The following HK1 variants were observed in gnomAD, a reference collection of about 807,000 sequenced individuals.
The protein encoded by HK1 is hexokinase 1.
A neutral mutation model predicts 91.6 loss-of-function variants in HK1; 28 were observed. The ratio of observed to expected loss-of-function variants is 0.31; its 90% CI spans 0.23 to 0.42. HK1 has a LOEUF of 0.42. Among genes scored for constraint, HK1 ranks in the 10% least tolerant of loss-of-function variants. HK1 has a pLI of 1.00. For synonymous variants in HK1, 430 were observed against 468.1 expected (o/e 0.92, Z 1.05); for missense variants, 770 against 1,219.8 (o/e 0.63, Z 5.49).
At chr10:69,327,003 T>C (rs1192905693) in intron 1 of HK1, among the ~76,000 whole-genome samples, 2 of 138,894 alleles carry the variant, frequency 1.4e-5, no homozygotes, top group African/African-American at 5.7e-5. Flanking sequence ...TTTTAAACTT[T>C]TTTTTTTTTT....
chr10:69,379,746 C>T (rs1839291955), intron 8 of HK1, 116 bp from the exon 9 acceptor site: 1 of 811,894 alleles, frequency 1.2e-6, no homozygotes, highest in African/African-American at 1.7e-5. Flanking sequence ...CATACCATCC[C>T]ATACCATCCC....
upstream of HK1, among the ~76,000 whole-genome samples, chr10:69,318,413 G>C (rs180851031): frequency 1.4e-4 from 22 of 152,266 alleles, no homozygotes; most frequent in East Asian, 3.1e-3. Flanking sequence ...GAATGGGACC[G>C]CCTTCGTGCC....
At position 69,345,803 on chromosome 10, in the gene HK1, G is replaced by A. The variant is rs181951265; in HGVS notation, c.226+1814G>A. ...CTGTTTCCAGGATTGAGAGTCTCAA[G>A]GTGTGATCCAAGTGCAGTAGAAATC... On this transcript the variant is annotated intron_variant, in intron 2 of 17. Coordinates refer to ENST00000359426, the MANE Select transcript of HK1 (RefSeq NM_000188.3). 4.0e-3 allele frequency among the ~76,000 whole-genome samples: 611 copies of A among 152,262 alleles called. 1 individual carries two copies. Among genetic ancestry groups the A allele is most frequent in the African/African-American group, 0.014 (567 of 41,550 alleles).
At chr10:69,271,944 A>T (rs1844192286) in intron 1 of HK1, among the ~76,000 whole-genome samples, 1 of 150,742 alleles carries the variant, frequency 6.6e-6, no homozygotes, top group Non-Finnish European at 1.5e-5. Context: ...GCTCACTGAA[A>T]CCTCCACCCC....
intron 8 of HK1, among the ~76,000 whole-genome samples, 154 bp downstream of exon 8, chr10:69,377,243 C>T (rs534079480): frequency 6.6e-6 from 1 of 152,222 alleles, no homozygotes; most frequent in South Asian, 2.1e-4. Context: ...TTGACCCATT[C>T]TGGGCCGGAC....
upstream of HK1, chr10:69,318,044 A>G (rs1846740127): frequency 3.0e-5 from 30 of 985,274 alleles, no homozygotes; most frequent in Non-Finnish European, 3.5e-5. Flanking sequence ...GGCCCAGAGG[A>G]TGGGGACAGG....
chr10:69,296,095 A>T (rs971064486), intron 4 of HK1: 1 of 222,770 alleles, frequency 4.5e-6, no homozygotes, highest in Non-Finnish European at 9.0e-6. Flanking sequence ...CTGCACTTCA[A>T]TATGGACAAG....
intron 9 of HK1, among the ~76,000 whole-genome samples, chr10:69,381,055 C>T (rs950375311): frequency 6.6e-6 from 1 of 152,182 alleles, no homozygotes; most frequent in Non-Finnish European, 1.5e-5. Context: ...GTAATCCCAG[C>T]ACTTTGGGAG....
At chr10:69,383,831 AAGCC>A (rs1839507674) in intron 10 of HK1, among the ~76,000 whole-genome samples, 2 of 152,228 alleles carry the variant, frequency 1.3e-5, no homozygotes, top group Admixed American at 6.5e-5. Context: ...AGCCTCCTGG[AAGCC>A]CAGGCTGGGG....
chr10:69,315,754 C>T (rs1589470449), upstream of HK1: 1 of 642,090 alleles, frequency 1.6e-6, no homozygotes, highest in Non-Finnish European at 2.9e-6. Flanking sequence ...ATCAGTTAGG[C>T]AGTCATGACT....
In HK1 at chr10:69,401,579, C is replaced by T. The variant is rs1242348291; in HGVS notation, c.*444C>T. ...CTGCCGGGCCTCCCTCCCGGGGGCA[C>T]TGCCTGAAGGCGAGTGTGGGCATAG... On this transcript the variant is annotated 3_prime_UTR_variant, in exon 18 of 18. Transcript: ENST00000359426. The T allele has an allele frequency of 5.3e-6, 2 of 375,786 alleles. No homozygotes were observed. The highest frequency in any genetic ancestry group is 5.2e-6 in the Non-Finnish European group (1 of 191,052). 23.3% of individuals were successfully genotyped at this position (375,786 alleles called of 1,614,324 possible). A position where few individuals can be genotyped will look rare whatever the true frequency, so the allele number is the denominator to read the frequency against.
At position 69,401,850 on chromosome 10, in the gene HK1, C is replaced by T. The variant is rs528967767; in HGVS notation, c.*715C>T. ...TTTCCCACCGCTTTGTGAGCCGTGT[C>T]GTATGACCTAGTAAACTTTGTACCA... On this transcript the variant is annotated 3_prime_UTR_variant, in exon 18 of 18. Transcript: ENST00000359426. 1.0e-3 allele frequency: 169 copies of T among 162,000 alleles called. No individual in the cohort carries two copies. Among genetic ancestry groups the T allele is most frequent in the Non-Finnish European group, 2.1e-3 (152 of 74,076 alleles). 10.0% of individuals were successfully genotyped at this position (162,000 alleles called of 1,614,324 possible).
In HK1 at chr10:69,386,388, C is replaced by T. The variant is rs1444926710; in HGVS notation, c.1905C>T (p.Thr635=). The T allele has an allele frequency of 1.9e-6, 3 of 1,613,702 alleles. No homozygotes were observed. The highest frequency in any genetic ancestry group is 8.5e-7 in the Non-Finnish European group (1 of 1,179,730). The change falls in exon 13 of 18, where the codon ACC becomes ACT. Residue 635 remains threonine, a synonymous_variant. Coordinates refer to ENST00000359426, the MANE Select transcript of HK1 (RefSeq NM_000188.3). ...ACTGCGTGGGCCACGATGTAGTCAC[C>T]TTACTAAGGGATGCGATAAAAAGGA... ...ATDCVGHDVV[T]LLRDAIKRRE...
chr10:69,325,805 G>A (rs1035706013), intron 1 of HK1, among the ~76,000 whole-genome samples: 2 of 151,412 alleles, frequency 1.3e-5, no homozygotes, highest in Non-Finnish European at 2.9e-5. Flanking sequence ...CCGAAATGCT[G>A]GGATTACGGG....
intron 2 of HK1, among the ~76,000 whole-genome samples, chr10:69,350,531 G>A (rs1848794181): frequency 6.6e-6 from 1 of 152,006 alleles, no homozygotes; most frequent in Admixed American, 6.6e-5. Context: ...GCGTGGTGGT[G>A]CATGCCTGTA....
At position 69,309,495 on chromosome 10, in the gene HK1, TAAAA is replaced by T. The variant is rs1177161842; in HGVS notation, c.27+8658_27+8661del. Among the ~76,000 whole-genome samples, 333 of 46,928 alleles carry T rather than the reference TAAAA, an allele frequency of 7.1e-3. 1 individual carries two copies. The highest frequency in any genetic ancestry group is 0.038 in the African/African-American group (312 of 8,258). The allele number at this position is 46,928 out of a possible 152,430, so 30.8% of individuals were successfully genotyped here. ...CGCGCCTGGCATGACTTTGTCTCAT[TAAAA>T]AAAAAAAAAAAAAAAAAAAAAAAGC... On this transcript the variant is annotated intron_variant, in intron 5 of 21. Coordinates refer to the HK1 transcript ENST00000360289.
chr10:69,389,331 G>A (rs777183397), intron 14 of HK1, 35 bp downstream of exon 14: 5 of 1,495,204 alleles, frequency 3.3e-6, no homozygotes, highest in South Asian at 2.4e-5. Context: ...CCCTGCAGAA[G>A]GGAAGGCTGG....
upstream of HK1, among the ~76,000 whole-genome samples, chr10:69,316,296 G>A (rs1247143453): frequency 6.6e-6 from 1 of 152,168 alleles, no homozygotes; most frequent in African/African-American, 2.4e-5. Context: ...GGGCCATGAA[G>A]GGATTTAGGG....
At chr10:69,363,630 T>TTA (rs1849547406) in intron 3 of HK1, among the ~76,000 whole-genome samples, 1 of 152,178 alleles carries the variant, frequency 6.6e-6, no homozygotes, top group Non-Finnish European at 1.5e-5. Flanking sequence ...CCTCCTGCCT[T>TTA]GGCCTCCCAA....
Sources: gnomAD v4.1 joint callset for allele counts (sites outside exome capture counted in the v4.1 genomes callset) on GRCh38, gnomAD v4.1.1 for gene constraint, MANE v1.5 for transcripts, NCBI Gene and HGNC (gene_info 2026-07-23, HGNC 2026-07-21) for gene names.